The following PIAS2 variants were observed in gnomAD, a reference collection of about 807,000 sequenced individuals.
The protein encoded by PIAS2 is protein inhibitor of activated STAT 2, also known as E3 SUMO-protein ligase PIAS2.
In PIAS2, 19 loss-of-function variants were observed where a neutral mutation model predicts 69.7. The ratio of observed to expected loss-of-function variants is 0.27; its 90% CI spans 0.19 to 0.40. PIAS2 has a LOEUF of 0.40. Among genes scored for constraint, PIAS2 ranks in the 10% least tolerant of loss-of-function variants. The probability of loss-of-function intolerance (pLI) is 1.00; values close to 1 mark genes in which losing one functional copy is unlikely to be tolerated. For missense variants in PIAS2, 624 were observed against 757.0 expected, an observed-to-expected ratio of 0.82 and a Z score of 2.06; for synonymous variants, 261 against 263.2, an observed-to-expected ratio of 0.99 and a Z score of 0.08.
chr18:46,812,331 AC>A lies in PIAS2; in HGVS notation c.*101del. On this transcript the variant is annotated 3_prime_UTR_variant, in exon 14 of 14. Transcript: ENST00000585916. Reference sequence around the variant, plus strand: ...AGAATCCATCTGACTTTCAATAAATACCAAATTATTAAAAAAAAAAAAAAAA... The same window carrying A: ...AGAATCCATCTGACTTTCAATAAATACAAATTATTAAAAAAAAAAAAAAAA... 1 of 684,910 alleles carries A rather than the reference AC, an allele frequency of 1.5e-6. No homozygotes were observed. Among genetic ancestry groups the A allele is most frequent in the East Asian group, 2.7e-5 (1 of 36,478 alleles). The allele number at this position is 684,910 out of a possible 1,614,324, so 42.4% of individuals were successfully genotyped here. A position where few individuals can be genotyped will look rare whatever the true frequency, so the allele number is the denominator to read the frequency against.
chr18:46,826,080 C>T (rs1396592636), intron 11 of PIAS2, among the ~76,000 whole-genome samples: 1 of 152,150 alleles, frequency 6.6e-6, no homozygotes, highest in Non-Finnish European at 1.5e-5. Flanking sequence ...CTTCATGGAA[C>T]GAACTAGGTA....
At chr18:46,878,540 G>A (rs2051633616) in intron 2 of PIAS2, among the ~76,000 whole-genome samples, 1 of 152,036 alleles carries the variant, frequency 6.6e-6, no homozygotes, top group Non-Finnish European at 1.5e-5. Context: ...GCACTATATT[G>A]ACACCTTTTA....
At chr18:46,846,015 T>G (rs2046119011) in intron 6 of PIAS2, among the ~76,000 whole-genome samples, 1 of 152,196 alleles carries the variant, frequency 6.6e-6, no homozygotes, top group African/African-American at 2.4e-5. Context: ...ACACTGAAAC[T>G]GATGCTTCAT....
chr18:46,916,575 G>A (rs1568939304), intron 1 of PIAS2, among the ~76,000 whole-genome samples: 1 of 152,082 alleles, frequency 6.6e-6, no homozygotes, highest in Non-Finnish European at 1.5e-5. Flanking sequence ...CCCTATTCCA[G>A]ACCTCTGCTA....
intron 1 of PIAS2, among the ~76,000 whole-genome samples, chr18:46,893,159 T>A (rs2054323498): frequency 6.6e-6 from 1 of 152,088 alleles, no homozygotes; most frequent in African/African-American, 2.4e-5. Context: ...TTACTCAACA[T>A]CTCATGCATT....
At chr18:46,851,699 ATGCTGCTTGCATCAC>A (rs1314560379) in intron 5 of PIAS2, among the ~76,000 whole-genome samples, 1 of 152,234 alleles carries the variant, frequency 6.6e-6, no homozygotes, top group Admixed American at 6.5e-5. Context: ...AAAAGCACAT[ATGCTGCTTGCATCAC>A]TATTTGATCC....
In PIAS2 at chr18:46,816,884, A is replaced by G. The variant is rs541378291; in HGVS notation, c.1649-1535T>C. ...TTCCAATGACTTCTCTATTAAAATGATAATAGGTGAGATATCTCAATAAGC... is the reference window on the plus strand; with the variant it reads ...TTCCAATGACTTCTCTATTAAAATGGTAATAGGTGAGATATCTCAATAAGC... On this transcript the variant is annotated intron_variant, in intron 12 of 13. Transcript: ENST00000585916. The G allele has an allele frequency of 3.9e-5, 37 of 947,382 alleles. 1 individual carries two copies. The South Asian group carries it at 1.3e-3, about 34-fold the overall frequency. 58.7% of individuals were successfully genotyped at this position (947,382 alleles called of 1,614,324 possible).
intron 3 of PIAS2, 52 bp from the exon 4 acceptor site, chr18:46,855,667 G>C (rs4531833): frequency 1.5e-6 from 2 of 1,363,928 alleles, no homozygotes; most frequent in East Asian, 2.3e-5. Flanking sequence ...AGAATTCTCA[G>C]AACAGTCTCC....
chr18:46,895,519 A>C (rs1316558865), intron 1 of PIAS2, among the ~76,000 whole-genome samples: 1 of 152,006 alleles, frequency 6.6e-6, no homozygotes, highest in Admixed American at 6.6e-5. Context: ...AAAAATACAA[A>C]AATTAGCCGG....
At chr18:46,833,011 T>C (rs2043903518) in intron 9 of PIAS2, among the ~76,000 whole-genome samples, 1 of 152,174 alleles carries the variant, frequency 6.6e-6, no homozygotes, top group Non-Finnish European at 1.5e-5. Flanking sequence ...GAAAACAGTT[T>C]GACAGTTTCT....
At chr18:46,872,383 C>CG (rs2050497443) in intron 2 of PIAS2, among the ~76,000 whole-genome samples, 1 of 152,158 alleles carries the variant, frequency 6.6e-6, no homozygotes, top group South Asian at 2.1e-4. Flanking sequence ...TCATTCTGAG[C>CG]GAAAGCAACA....
intron 12 of PIAS2, among the ~76,000 whole-genome samples, chr18:46,820,067 C>T (rs1018182326): frequency 6.6e-6 from 1 of 152,096 alleles, no homozygotes; most frequent in Non-Finnish European, 1.5e-5. Flanking sequence ...CTGATGAAAT[C>T]TCATGCTGTC....
chr18:46,861,220 C>T lies in PIAS2; in HGVS notation c.584+2944G>A, dbSNP rs754424799. Among the ~76,000 whole-genome samples the T allele has an allele frequency of 5.9e-5, 9 of 152,058 alleles. No homozygotes were observed. The East Asian group carries it at 7.7e-4, about 13-fold the overall frequency. On this transcript the variant is annotated intron_variant, in intron 3 of 13. Transcript: ENST00000585916. ...TGCCACTGCACTCCAACCTGGGCGACGGAGTGAGACTTTGTCTCAAAAAAT... is the reference window on the plus strand; with the variant it reads ...TGCCACTGCACTCCAACCTGGGCGATGGAGTGAGACTTTGTCTCAAAAAAT...
intron 1 of PIAS2, chr18:46,914,922 T>C (rs892606108): frequency 1.3e-5 from 2 of 152,186 alleles, no homozygotes; most frequent in Non-Finnish European, 2.9e-5. Context: ...ATTTTGAGAA[T>C]CCAAGATTAT....
intron 3 of PIAS2, among the ~76,000 whole-genome samples, chr18:46,862,648 C>T (rs559059292): frequency 6.6e-6 from 1 of 151,782 alleles, no homozygotes; most frequent in Non-Finnish European, 1.5e-5. Context: ...TATATATACA[C>T]ATATATACAC....
intron 2 of PIAS2, among the ~76,000 whole-genome samples, chr18:46,872,676 A>G (rs775727499): frequency 3.9e-5 from 6 of 152,350 alleles, no homozygotes; most frequent in Admixed American, 2.6e-4. Context: ...AGTAAAGGCA[A>G]GCCAAGGATA....
chr18:46,873,062 T>C (rs2050616271), intron 2 of PIAS2, among the ~76,000 whole-genome samples: 1 of 152,226 alleles, frequency 6.6e-6, no homozygotes, highest in South Asian at 2.1e-4. Flanking sequence ...CCCAGTAACC[T>C]GTGGGTGGCC....
intron 6 of PIAS2, among the ~76,000 whole-genome samples, chr18:46,845,436 G>A (rs950891481): frequency 3.3e-5 from 5 of 152,094 alleles, no homozygotes; most frequent in African/African-American, 1.2e-4. Flanking sequence ...ATTAACTCCT[G>A]TACCCCAAAT....
At chr18:46,829,001 T>C (rs900840689) in intron 10 of PIAS2, among the ~76,000 whole-genome samples, 1 of 152,206 alleles carries the variant, frequency 6.6e-6, no homozygotes, top group African/African-American at 2.4e-5. Context: ...TTTTTCCCCT[T>C]TCTTCTTACT....
Sources: allele counts gnomAD v4.1 joint callset (sites outside exome capture counted in the v4.1 genomes callset), GRCh38; gene constraint gnomAD v4.1.1; transcripts MANE v1.5; gene names NCBI Gene and HGNC (gene_info 2026-07-23, HGNC 2026-07-21).